The following DLG2 variants were observed in gnomAD, a reference collection of about 807,000 sequenced individuals.
DLG2 encodes disks large homolog 2.
Under a neutral mutation model 132.5 loss-of-function variants are expected in DLG2, and 45 were observed. The ratio of observed to expected loss-of-function variants is 0.34; its 90% CI spans 0.27 to 0.44. The LOEUF is 0.44. Among genes scored for constraint, DLG2 ranks in the 20% least tolerant of loss-of-function variants. The probability of loss-of-function intolerance (pLI) is 1.00; values close to 1 mark genes in which losing one functional copy is unlikely to be tolerated. For synonymous variants in DLG2, 424 were observed against 419.6 expected (o/e 1.01, Z -0.13); for missense variants, 1,045 against 1,196.9 (o/e 0.87, Z 1.87).
intron 7 of DLG2, among the ~76,000 whole-genome samples, chr11:84,404,852 G>A (rs2098843115): frequency 6.6e-6 from 1 of 152,160 alleles, no homozygotes; most frequent in Non-Finnish European, 1.5e-5. Flanking sequence ...AAATCCTCAT[G>A]CCTTTTAGGA....
chr11:84,442,669 C>T (rs558514661), intron 7 of DLG2, among the ~76,000 whole-genome samples: 12 of 151,188 alleles, frequency 7.9e-5, no homozygotes, highest in Admixed American at 2.0e-4. Context: ...CTTGCACATT[C>T]TGCACATGTA....
intron 11 of DLG2, among the ~76,000 whole-genome samples, chr11:83,993,747 A>G (rs946628725): frequency 1.3e-5 from 2 of 152,162 alleles, no homozygotes; most frequent in Non-Finnish European, 2.9e-5. Flanking sequence ...CAGTTTTTCC[A>G]AGTTAATTTT....
At chr11:84,680,851 A>T (rs2099727505) in intron 6 of DLG2, among the ~76,000 whole-genome samples, 1 of 152,144 alleles carries the variant, frequency 6.6e-6, no homozygotes, top group Admixed American at 6.5e-5. Flanking sequence ...TTAGTTACTA[A>T]CTTTTTAAAT....
At position 83,551,015 on chromosome 11, in the gene DLG2, A is replaced by C. The variant is rs982934045; in HGVS notation, c.1941-9157T>G. 1.1e-4 allele frequency among the ~76,000 whole-genome samples: 16 copies of C among 152,188 alleles called. 1 individual carries two copies. Among genetic ancestry groups the C allele is most frequent in the Non-Finnish European group, 5.9e-5 (4 of 68,042 alleles). On this transcript the variant is annotated intron_variant, in intron 19 of 27. Transcript: ENST00000376104. ...TAAGTTTATATATGCATGACTCGTG[A>C]AGATCATGAGATGGTAAACTCAGAT...
chr11:85,207,890 T>A (rs2082007793), intron 4 of DLG2, among the ~76,000 whole-genome samples: 1 of 151,716 alleles, frequency 6.6e-6, no homozygotes, highest in South Asian at 2.1e-4. Flanking sequence ...TTTCATGCCC[T>A]CTACATCTGG....
chr11:83,740,056 A>G (rs1405981287), intron 18 of DLG2, among the ~76,000 whole-genome samples: 4 of 152,196 alleles, frequency 2.6e-5, no homozygotes, highest in Admixed American at 2.6e-4. Context: ...ACAGAGCACA[A>G]TGCAAAAGAA....
At chr11:83,514,407 T>C (rs1327483276) in intron 21 of DLG2, among the ~76,000 whole-genome samples, 1 of 152,206 alleles carries the variant, frequency 6.6e-6, no homozygotes, top group Non-Finnish European at 1.5e-5. Context: ...TGAAGTTGCT[T>C]ATGAGCTTAA....
chr11:84,168,257 C>T (rs531429254), intron 8 of DLG2, among the ~76,000 whole-genome samples: 30 of 152,322 alleles, frequency 2.0e-4, no homozygotes, highest in South Asian at 1.0e-3. Flanking sequence ...AAAGCTGCAG[C>T]GCCACTATTG....
intron 6 of DLG2, among the ~76,000 whole-genome samples, chr11:84,646,676 A>G (rs2099675353): frequency 1.3e-5 from 2 of 151,870 alleles, no homozygotes; most frequent in African/African-American, 4.9e-5. Context: ...AAAAAATAAC[A>G]ACCTCAGAGC....
At chr11:83,651,879 C>CA (rs1323457650) in intron 18 of DLG2, 1 of 470,988 alleles carries the variant, frequency 2.1e-6, no homozygotes, top group Non-Finnish European at 4.4e-6. Flanking sequence ...TGTCAAAGGA[C>CA]ATGTCTTCTG....
At position 83,472,770 on chromosome 11, in the gene DLG2, T is replaced by G; in HGVS notation, c.2301A>C (p.Gln767His). 1 of 1,612,202 alleles carries G rather than the reference T, an allele frequency of 6.2e-7. No homozygotes were observed. Among genetic ancestry groups the G allele is most frequent in the Non-Finnish European group, 8.5e-7 (1 of 1,178,860 alleles). ...GCTCATAGGAAAGAATGAGGTCTTC[T>G]TGTCCTCCTGAGAAGAGAAGGAAAG... ...EQETSDPERG[Q>H]EDLILSYEPV... is the part of the protein sequence containing the mutation. The change falls in exon 23 of 28, where the codon CAA becomes CAC. Residue 767 changes from glutamine to histidine, a missense_variant. Physicochemically the swap from Gln to His is conservative, Grantham distance 24 (BLOSUM62 0). This residue lies in a region of DLG2 where 398 missense variants were observed against 543.6 expected (regional missense o/e 0.73). Transcript: ENST00000376104.
At chr11:85,005,418 A>C (rs1310117159) in intron 6 of DLG2, among the ~76,000 whole-genome samples, 1 of 152,282 alleles carries the variant, frequency 6.6e-6, no homozygotes, top group East Asian at 1.9e-4. Context: ...AGTGGTATGT[A>C]GTTCTCCTTG....
At chr11:85,395,700 G>A (rs548491969) in intron 3 of DLG2, among the ~76,000 whole-genome samples, 1 of 141,796 alleles carries the variant, frequency 7.1e-6, no homozygotes, top group Non-Finnish European at 1.6e-5. Context: ...GCTTGACAGG[G>A]GGAGGGGCGT....
At chr11:84,415,977 A>G (rs2098928273) in intron 7 of DLG2, among the ~76,000 whole-genome samples, 1 of 152,046 alleles carries the variant, frequency 6.6e-6, no homozygotes, top group Non-Finnish European at 1.5e-5. Context: ...CTTCTCTAAT[A>G]ATTTTAATTA....
chr11:84,878,296 G>A (rs2086723349), intron 6 of DLG2, among the ~76,000 whole-genome samples: 1 of 151,552 alleles, frequency 6.6e-6, no homozygotes. Context: ...ACAATAGCAA[G>A]GATAAAAACC....
chr11:83,557,353 C>T lies in DLG2; in HGVS notation c.1941-15495G>A, dbSNP rs532635227. Among the ~76,000 whole-genome samples the T allele has an allele frequency of 1.2e-4, 19 of 152,290 alleles. No homozygotes were observed. In the South Asian group the frequency reaches 3.9e-3, roughly 32 times the overall value. On this transcript the variant is annotated intron_variant, in intron 19 of 27. Coordinates refer to ENST00000376104, the MANE Select transcript of DLG2 (RefSeq NM_001142699.3). ...GATGACAGGTTCCTGTTCTGCAAGA[C>T]CCCAGGCTGCTTTTGATGGTACTAA...
intron 6 of DLG2, among the ~76,000 whole-genome samples, chr11:84,662,955 A>C (rs1271421945): frequency 2.0e-5 from 3 of 152,086 alleles, no homozygotes; most frequent in Non-Finnish European, 4.4e-5. Flanking sequence ...GTTATAATTA[A>C]GCCCTGAGAG....
At chr11:84,469,557 C>T (rs899949066) in intron 7 of DLG2, among the ~76,000 whole-genome samples, 1 of 151,548 alleles carries the variant, frequency 6.6e-6, no homozygotes, top group Non-Finnish European at 1.5e-5. Flanking sequence ...TCTTTGTTCT[C>T]ATTCTGTATA....
chr11:85,220,637 A>AAAATAT (rs371263007), intron 4 of DLG2, among the ~76,000 whole-genome samples: 4 of 148,260 alleles, frequency 2.7e-5, no homozygotes, highest in African/African-American at 7.4e-5. Context: ...TAGAAAAAAA[A>AAAATAT]ATATATATAT....
Sources: gnomAD v4.1 joint callset for allele counts (sites outside exome capture counted in the v4.1 genomes callset) on GRCh38, gnomAD v4.1.1 for gene constraint, gnomAD v4.1.1 regional missense constraint, MANE v1.5 for transcripts, NCBI Gene and HGNC (gene_info 2026-07-23, HGNC 2026-07-21) for gene names.